The following CREBRF variants were observed in gnomAD, a reference collection of about 807,000 sequenced individuals.
CREBRF encodes the protein CREB3 regulatory factor, also known as UPF0474 protein C5orf41.
In CREBRF, 5 loss-of-function variants were observed where a neutral mutation model predicts 66.1. The observed-to-expected ratio is 0.08, with a 90% CI of 0.04 to 0.16. CREBRF has a LOEUF of 0.16. CREBRF is among the 10% of genes least tolerant of loss of function. CREBRF has a pLI of 1.00. For synonymous variants in CREBRF, 229 were observed against 264.4 expected (o/e 0.87, Z 1.30); for missense variants, 531 against 744.9 (o/e 0.71, Z 3.34).
intron 7 of CREBRF, among the ~76,000 whole-genome samples, chr5:173,117,402 G>A (rs1363602334): frequency 1.3e-5 from 2 of 150,538 alleles, no homozygotes; most frequent in Non-Finnish European, 1.5e-5. Flanking sequence ...AAATAAGTAA[G>A]TAAATAAATA....
chr5:173,123,357 A>C (rs558167128), intron 8 of CREBRF, 155 bp downstream of exon 8: 1 of 622,638 alleles, frequency 1.6e-6, no homozygotes, highest in East Asian at 3.5e-5. Flanking sequence ...TTTGAGATTT[A>C]GTGTTCATAA....
At chr5:173,098,813 A>ATT (rs142783796) in intron 4 of CREBRF, among the ~76,000 whole-genome samples, 1 of 151,968 alleles carries the variant, frequency 6.6e-6, no homozygotes, top group Non-Finnish European at 1.5e-5. Flanking sequence ...CCTCTTGATA[A>ATT]ATCAACAAAC....
intron 1 of CREBRF, chr5:173,060,464 T>G (rs796752409): frequency 5.3e-5 from 8 of 152,110 alleles, no homozygotes; most frequent in African/African-American, 1.9e-4. Context: ...CTCCTAATCT[T>G]AAATGATCCG....
intron 8 of CREBRF, among the ~76,000 whole-genome samples, chr5:173,130,736 G>T (rs1276302828): frequency 6.6e-6 from 1 of 151,854 alleles, no homozygotes; most frequent in African/African-American, 2.4e-5. Flanking sequence ...TTGAAATGGA[G>T]TCTCACTCTG....
intron 1 of CREBRF, among the ~76,000 whole-genome samples, chr5:173,062,959 G>C (rs1162805579): frequency 6.6e-6 from 1 of 151,870 alleles, no homozygotes; most frequent in Non-Finnish European, 1.5e-5. Context: ...GTTTTAGCCG[G>C]GATGGTCTCG....
chr5:173,124,919 CTT>C (rs373993898), intron 8 of CREBRF, among the ~76,000 whole-genome samples: 8,839 of 112,722 alleles, frequency 0.078, 289 homozygotes, highest in Non-Finnish European at 0.08. Flanking sequence ...TCTTCTTCTT[CTT>C]TTTTTTTTTT....
intron 1 of CREBRF, among the ~76,000 whole-genome samples, chr5:173,058,215 A>G (rs1757134366): frequency 6.6e-6 from 1 of 152,114 alleles, no homozygotes; most frequent in Non-Finnish European, 1.5e-5. Context: ...TTTTAATCTA[A>G]TTGTATTATG....
At chr5:173,076,065 A>G (rs1239187716) in intron 1 of CREBRF, among the ~76,000 whole-genome samples, 1 of 151,420 alleles carries the variant, frequency 6.6e-6, no homozygotes, top group Non-Finnish European at 1.5e-5. Flanking sequence ...TACAAAAAAA[A>G]AAAAAAAAAA....
intron 6 of CREBRF, among the ~76,000 whole-genome samples, 171 bp from the exon 7 acceptor site, chr5:173,112,135 G>A (rs1310586276): frequency 4.6e-5 from 7 of 152,182 alleles, no homozygotes; most frequent in Admixed American, 4.6e-4. Context: ...TGGGCATGGT[G>A]CCTCATGCCT....
chr5:173,130,639 A>G (rs1759401614), intron 8 of CREBRF, among the ~76,000 whole-genome samples: 1 of 151,756 alleles, frequency 6.6e-6, no homozygotes, highest in Non-Finnish European at 1.5e-5. Context: ...ATCTTTCAGC[A>G]CCAACTCCCA....
intron 4 of CREBRF, among the ~76,000 whole-genome samples, chr5:173,094,474 C>T (rs1456781893): frequency 6.6e-6 from 1 of 152,138 alleles, no homozygotes; most frequent in Non-Finnish European, 1.5e-5. Flanking sequence ...TGGTAATAGC[C>T]ATGCCGACAG....
At chr5:173,121,480 G>A (rs953303577) in intron 7 of CREBRF, among the ~76,000 whole-genome samples, 7 of 151,498 alleles carry the variant, frequency 4.6e-5, no homozygotes, top group East Asian at 2.0e-4. Context: ...CTGCCACCAC[G>A]CCCAACTAAT....
At position 173,091,288 on chromosome 5, in the gene CREBRF, A is replaced by G. The variant is rs1758331992; in HGVS notation, c.1109A>G (p.Asp370Gly). The stretch of plus-strand genomic sequence containing the variant: ...GAGGATGTTGATGATGAGGACCATG[A>G]TGAAGGATTCGGCAGTGAGCATGAA... ...DEEDVDDEDH[D>G]EGFGSEHELS... The change falls in exon 4 of 9, where the codon GAT becomes GGT. Residue 370 changes from aspartate to glycine, a missense_variant. By Grantham distance (94) the Asp-to-Gly change is moderately conservative. Coordinates refer to ENST00000296953, the MANE Select transcript of CREBRF (RefSeq NM_153607.3). 6 of 1,613,712 alleles carry G rather than the reference A, an allele frequency of 3.7e-6. No individual in the cohort carries two copies. Among genetic ancestry groups the G allele is most frequent in the Non-Finnish European group, 5.1e-6 (6 of 1,179,776 alleles).
chr5:173,106,196 G>A (rs981418981), intron 4 of CREBRF, among the ~76,000 whole-genome samples: 1 of 151,414 alleles, frequency 6.6e-6, no homozygotes, highest in Non-Finnish European at 1.5e-5. Flanking sequence ...TTGGGAGGCC[G>A]TGGCGGGTGG....
intron 7 of CREBRF, among the ~76,000 whole-genome samples, chr5:173,122,736 T>C (rs1256908637): frequency 7.8e-6 from 1 of 128,740 alleles, no homozygotes; most frequent in Non-Finnish European, 1.7e-5. Context: ...CTCCTAATGC[T>C]ATCCCTCCCC....
intron 4 of CREBRF, among the ~76,000 whole-genome samples, chr5:173,101,483 T>C (rs1758626284): frequency 6.6e-6 from 1 of 151,686 alleles, no homozygotes; most frequent in Admixed American, 6.6e-5. Flanking sequence ...GTTGCTTTTC[T>C]CTTGCTGCTT....
At chr5:173,116,526 T>C (rs1758994564) in intron 7 of CREBRF, among the ~76,000 whole-genome samples, 1 of 152,224 alleles carries the variant, frequency 6.6e-6, no homozygotes, top group African/African-American at 2.4e-5. Flanking sequence ...CATAATTATT[T>C]AAAAATTCCT....
rs977988127 is a variant in CREBRF at position 173,091,649 on chromosome 5, TTTAAAA to T, written c.1222+256_1222+261del. ...ATTTTTTATTATTTTATTTCTTATTTTTAAAATTAAAATAGAGATGAGAGCTTGCCA... is the reference window on the plus strand; with the variant it reads ...ATTTTTTATTATTTTATTTCTTATTTTTAAAATAGAGATGAGAGCTTGCCA... On this transcript the variant is annotated intron_variant, in intron 4 of 8. Coordinates refer to ENST00000296953, the MANE Select transcript of CREBRF (RefSeq NM_153607.3). 4.3e-6 allele frequency: 5 copies of T among 1,171,858 alleles called. No individual in the cohort carries two copies. In the East Asian group the frequency reaches 1.3e-4, roughly 29 times the overall value. The allele number at this position is 1,171,858 out of a possible 1,614,324, so 72.6% of individuals were successfully genotyped here.
At chr5:173,084,624 AT>A (rs66617775) in intron 2 of CREBRF, among the ~76,000 whole-genome samples, 59,678 of 151,622 alleles carry the variant, frequency 0.39, 12,386 homozygotes, top group Non-Finnish European at 0.45. Context: ...TGCAAAAATG[AT>A]TTTTTTTCTT....
Sources: gnomAD v4.1 joint callset for allele counts (sites outside exome capture counted in the v4.1 genomes callset) on GRCh38, gnomAD v4.1.1 for gene constraint, MANE v1.5 for transcripts, NCBI Gene and HGNC (gene_info 2026-07-23, HGNC 2026-07-21) for gene names.